DLG2: variants seen among roughly 807,000 people sequenced by gnomAD.
DLG2 encodes discs large MAGUK scaffold protein 2, also known as disks large homolog 2.
Under a neutral mutation model 132.5 loss-of-function variants are expected in DLG2, and 45 were observed. The ratio of observed to expected loss-of-function variants is 0.34; its 90% confidence interval spans 0.27 to 0.44. The LOEUF (loss-of-function observed/expected upper bound fraction) is 0.44, where lower values mean the gene tolerates loss of function less well. Ranked by LOEUF, DLG2 falls within the 20% of genes least tolerant of loss-of-function variation. The pLI is 1.00. For missense variants in DLG2, 1,045 were observed against 1,196.9 expected, an observed-to-expected ratio of 0.87 and a Z score of 1.87; for synonymous variants, 424 against 419.6, an observed-to-expected ratio of 1.01 and a Z score of -0.13.
intron 6 of DLG2, among the ~76,000 whole-genome samples, chr11:85,034,084 T>A (rs1413249669): frequency 6.6e-6 from 1 of 151,456 alleles, no homozygotes; most frequent in African/African-American, 2.4e-5. Context: ...TTAGATTTTT[T>A]TTTTTTTTTT....
chr11:85,142,036 T>A (rs2076523225), intron 5 of DLG2, among the ~76,000 whole-genome samples: 1 of 151,848 alleles, frequency 6.6e-6, no homozygotes, highest in African/African-American at 2.4e-5. Context: ...GCTTTGGCTA[T>A]CCTGGGTCTA....
intron 6 of DLG2, among the ~76,000 whole-genome samples, chr11:84,631,030 A>T (rs866697947): frequency 0.047 from 6,398 of 135,206 alleles, 129 homozygotes; most frequent in African/African-American, 0.08. Flanking sequence ...ACACACACAC[A>T]CACACACACA....
At chr11:84,204,373 G>A (rs1292063384) in intron 8 of DLG2, among the ~76,000 whole-genome samples, 1 of 152,132 alleles carries the variant, frequency 6.6e-6, no homozygotes, top group East Asian at 1.9e-4. Flanking sequence ...ATGTGGCAGG[G>A]CACGGTATTG....
At chr11:83,890,412 A>G (rs1423771796) in intron 15 of DLG2, among the ~76,000 whole-genome samples, 3 of 152,090 alleles carry the variant, frequency 2.0e-5, no homozygotes, top group Admixed American at 2.0e-4. Context: ...GTGGCCCTAG[A>G]TAAGTCACTT....
At chr11:83,568,539 A>G (rs1352541213) in intron 19 of DLG2, among the ~76,000 whole-genome samples, 1 of 152,184 alleles carries the variant, frequency 6.6e-6, no homozygotes, top group Non-Finnish European at 1.5e-5. Context: ...TAGAGATTAA[A>G]GTAAGGAAAA....
chr11:85,547,506 A>C (rs2076408590), intron 3 of DLG2, among the ~76,000 whole-genome samples: 1 of 152,108 alleles, frequency 6.6e-6, no homozygotes, highest in African/African-American at 2.4e-5. Context: ...TGTTCTCTGT[A>C]GTTCCTGAAT....
At chr11:84,502,730 C>G (rs1164795503) in intron 7 of DLG2, among the ~76,000 whole-genome samples, 1 of 152,002 alleles carries the variant, frequency 6.6e-6, no homozygotes, top group Non-Finnish European at 1.5e-5. Context: ...TGAACACTTT[C>G]TAGTGAGTGT....
intron 3 of DLG2, among the ~76,000 whole-genome samples, chr11:85,290,182 T>A (rs967921824): frequency 6.6e-6 from 1 of 152,154 alleles, no homozygotes; most frequent in Non-Finnish European, 1.5e-5. Flanking sequence ...TGCTAAACCC[T>A]GCATATTGTT....
intron 7 of DLG2, among the ~76,000 whole-genome samples, chr11:84,401,670 C>T (rs112698894): frequency 0.052 from 7,859 of 152,150 alleles, 696 homozygotes; most frequent in African/African-American, 0.18. Flanking sequence ...TGGGTGGTGA[C>T]CCTAAATAAC....
intron 14 of DLG2, among the ~76,000 whole-genome samples, chr11:83,952,652 A>G (rs774213911): frequency 6.6e-6 from 1 of 151,834 alleles, no homozygotes; most frequent in African/African-American, 2.4e-5. Flanking sequence ...GACTAAGAAC[A>G]TTAGAAAATT....
At chr11:83,767,686 T>C (rs1285797353) in intron 18 of DLG2, among the ~76,000 whole-genome samples, 1 of 152,204 alleles carries the variant, frequency 6.6e-6, no homozygotes, top group East Asian at 1.9e-4. Flanking sequence ...TTTTAGGGAT[T>C]ACATTAATTA....
chr11:83,475,221 C>T (rs373332652), intron 22 of DLG2, among the ~76,000 whole-genome samples: 6 of 152,264 alleles, frequency 3.9e-5, no homozygotes, highest in African/African-American at 1.4e-4. Flanking sequence ...ATTTTTACTT[C>T]CATGTCCAAG....
intron 8 of DLG2, among the ~76,000 whole-genome samples, chr11:84,224,745 C>T (rs547360459): frequency 1.0e-3 from 155 of 152,324 alleles, no homozygotes; most frequent in Non-Finnish European, 1.7e-3. Flanking sequence ...CGCTCTACTG[C>T]TGCAGGAACA....
intron 7 of DLG2, among the ~76,000 whole-genome samples, chr11:84,259,663 C>G (rs1192335786): frequency 6.6e-6 from 1 of 152,180 alleles, no homozygotes; most frequent in Admixed American, 6.5e-5. Flanking sequence ...ACCTACCTAG[C>G]TTAACACCAG....
chr11:84,944,673 C>T (rs1196988489), intron 6 of DLG2, among the ~76,000 whole-genome samples: 1 of 146,824 alleles, frequency 6.8e-6, no homozygotes, highest in Non-Finnish European at 1.5e-5. Flanking sequence ...GGCATGATCT[C>T]GGCTCACCGC....
At chr11:83,577,586 A>ATATATC (rs1315103866) in intron 19 of DLG2, among the ~76,000 whole-genome samples, 5 of 118,874 alleles carry the variant, frequency 4.2e-5, no homozygotes, top group Non-Finnish European at 8.3e-5. Context: ...ATATATATAT[A>ATATATC]TCCTATTTAT....
intron 6 of DLG2, among the ~76,000 whole-genome samples, chr11:84,829,874 A>G (rs1001913966): frequency 6.6e-6 from 1 of 151,702 alleles, no homozygotes; most frequent in African/African-American, 2.4e-5. Flanking sequence ...AATAGAATAG[A>G]ATATCCTAAC....
At chr11:84,549,732 A>G (rs2099397876) in intron 6 of DLG2, among the ~76,000 whole-genome samples, 1 of 152,012 alleles carries the variant, frequency 6.6e-6, no homozygotes, top group Non-Finnish European at 1.5e-5. Context: ...TAGGAAATAT[A>G]AGATTCTTCC....
At chr11:84,809,642 C>G (rs1166109362) in intron 6 of DLG2, among the ~76,000 whole-genome samples, 1 of 151,822 alleles carries the variant, frequency 6.6e-6, no homozygotes, top group Non-Finnish European at 1.5e-5. Context: ...AACATGTGGA[C>G]ACCCAAATTA....
Sources: allele counts gnomAD v4.1 joint callset (sites outside exome capture counted in the v4.1 genomes callset), GRCh38; gene constraint gnomAD v4.1.1; transcripts MANE v1.5; gene names NCBI Gene and HGNC (gene_info 2026-07-23, HGNC 2026-07-21).